The following AOPEP variants were observed in gnomAD, a reference collection of about 807,000 sequenced individuals.
AOPEP encodes aminopeptidase O (putative).
A neutral mutation model predicts 98.1 loss-of-function variants in AOPEP; 77 were observed. The ratio of observed to expected loss-of-function variants is 0.78; its 90% CI spans 0.65 to 0.95. AOPEP has a LOEUF of 0.95. AOPEP is among the 40% of genes least tolerant of loss of function. The pLI, the probability that AOPEP is intolerant of heterozygous loss-of-function variation, is 0.00. For synonymous variants in AOPEP, 346 were observed against 365.3 expected (o/e 0.95, Z 0.60); for missense variants, 1,024 against 1,024.7 (o/e 1.00, Z 0.01).
intron 5 of AOPEP, among the ~76,000 whole-genome samples, chr9:94,817,024 G>A (rs1851850243): frequency 1.3e-5 from 2 of 151,830 alleles, no homozygotes; most frequent in African/African-American, 2.4e-5. Context: ...TTTCCTTTTA[G>A]GATCTCACTT....
At chr9:94,775,630 G>A (rs1213633027) in intron 3 of AOPEP, among the ~76,000 whole-genome samples, 1 of 151,898 alleles carries the variant, frequency 6.6e-6, no homozygotes, top group Non-Finnish European at 1.5e-5. Flanking sequence ...CTCCCAAAGT[G>A]CTGCAATTAC....
At chr9:94,771,143 C>A (rs563470115) in intron 2 of AOPEP, among the ~76,000 whole-genome samples, 10 of 152,224 alleles carry the variant, frequency 6.6e-5, no homozygotes, top group Admixed American at 5.2e-4. Flanking sequence ...GCTAGCATGG[C>A]CTCCAACCCA....
intron 13 of AOPEP, among the ~76,000 whole-genome samples, chr9:95,052,253 A>C (rs191952312): frequency 1.3e-5 from 2 of 152,346 alleles, no homozygotes; most frequent in African/African-American, 4.8e-5. Flanking sequence ...GGATGGGGGT[A>C]GATAGCACAT....
In AOPEP at chr9:95,086,877, G is replaced by A. The variant is rs960825753; in HGVS notation, c.*200G>A. ...ACACAAAAGGCAGATTCTCGTAAAC[G>A]CAGCCTCCCTCCCTGGAGGCTGCCT... is the stretch of plus-strand genomic sequence containing the variant. On this transcript the variant is annotated 3_prime_UTR_variant, in exon 17 of 17. Transcript: ENST00000375315. The A allele has an allele frequency of 2.4e-5, 24 of 987,744 alleles. No individual in the cohort carries two copies. The highest frequency in any genetic ancestry group is 1.9e-4 in the African/African-American group (11 of 57,260). 61.2% of individuals were successfully genotyped at this position (987,744 alleles called of 1,614,324 possible).
chr9:95,002,707 C>G (rs753601811), intron 11 of AOPEP, among the ~76,000 whole-genome samples: 29 of 152,258 alleles, frequency 1.9e-4, no homozygotes, highest in Non-Finnish European at 1.9e-4. Context: ...TAAGGAAAGA[C>G]CTTTCTGCAA....
chr9:94,920,870 G>A (rs2053513701), intron 5 of AOPEP, among the ~76,000 whole-genome samples: 1 of 152,170 alleles, frequency 6.6e-6, no homozygotes, highest in Non-Finnish European at 1.5e-5. Flanking sequence ...AGCCCCAGAG[G>A]TGGTCTGCTG....
intron 1 of AOPEP, among the ~76,000 whole-genome samples, chr9:94,751,888 CTTTTTTT>C (rs80060505): frequency 9.6e-6 from 1 of 104,552 alleles, no homozygotes; most frequent in Admixed American, 9.9e-5. Context: ...CCCATGAAAA[CTTTTTTT>C]TTTTTTTTTT....
At chr9:94,933,612 TA>T (rs2055746902) in intron 7 of AOPEP, 1 of 985,236 alleles carries the variant, frequency 1.0e-6, no homozygotes, top group Non-Finnish European at 1.2e-6. Context: ...CCCTTAATAA[TA>T]GGGGGAAAAC....
At chr9:95,101,566 G>T in the AOPEP span, 1 of 999,044 alleles carries the variant, frequency 1.0e-6, no homozygotes, top group Non-Finnish European at 1.5e-6. Context: ...CTAGCAGATT[G>T]TCCCAAGATG....
At chr9:95,053,060 C>G (rs1466379436) in intron 13 of AOPEP, among the ~76,000 whole-genome samples, 1 of 152,044 alleles carries the variant, frequency 6.6e-6, no homozygotes, top group Non-Finnish European at 1.5e-5. Context: ...TTCCAGTTGC[C>G]TGGTTCAGTA....
rs57318947 is a variant in AOPEP, at chr9:94,847,127, T to TACACACACACACACACACAC, written c.1364+46132_1364+46151dup. ...TTGGTAGATTTGGTGGTTCCCTTTG[T>TACACACACACACACACACAC]ACACACACACACACACACACACACA... On this transcript the variant is annotated intron_variant, in intron 5 of 16. Transcript: ENST00000375315. Among the ~76,000 whole-genome samples the TACACACACACACACACACAC allele has an allele frequency of 4.2e-4, 53 of 125,186 alleles. No individual in the cohort carries two copies. In the East Asian group the frequency reaches 8.5e-3, roughly 20 times the overall value. 82.1% of individuals were successfully genotyped at this position (125,186 alleles called of 152,430 possible).
At chr9:94,854,089 A>G (rs1299614459) in intron 5 of AOPEP, among the ~76,000 whole-genome samples, 1 of 152,200 alleles carries the variant, frequency 6.6e-6, no homozygotes. Context: ...AAGGAGAATG[A>G]AAAAGGTAAG....
At chr9:95,045,696 A>C (rs576580871) in intron 13 of AOPEP, among the ~76,000 whole-genome samples, 33 of 152,048 alleles carry the variant, frequency 2.2e-4, no homozygotes, top group African/African-American at 7.2e-4. Context: ...TTTTCTATGG[A>C]TGATTGTGGT....
At chr9:95,103,332 C>T in the AOPEP span, among the ~76,000 whole-genome samples, 2 of 152,352 alleles carry the variant, frequency 1.3e-5, no homozygotes, top group African/African-American at 4.8e-5. Flanking sequence ...GAAAACCTGC[C>T]TCCCTGCTGG....
At chr9:94,998,954 CGTA>C (rs2061397419) in intron 11 of AOPEP, among the ~76,000 whole-genome samples, 1 of 151,966 alleles carries the variant, frequency 6.6e-6, no homozygotes, top group Non-Finnish European at 1.5e-5. Flanking sequence ...ATTATATCTG[CGTA>C]GTATTATATA....
chr9:94,744,913 T>C (rs1834117102), intron 1 of AOPEP, among the ~76,000 whole-genome samples: 1 of 152,060 alleles, frequency 6.6e-6, no homozygotes, highest in Non-Finnish European at 1.5e-5. Context: ...CTCATTTTCA[T>C]TGAGCTCTTT....
intron 5 of AOPEP, among the ~76,000 whole-genome samples, chr9:94,828,434 C>G (rs1855144214): frequency 6.6e-6 from 1 of 152,120 alleles, no homozygotes; most frequent in South Asian, 2.1e-4. Flanking sequence ...CTGTGGATAT[C>G]TACTTATCCC....
intron 13 of AOPEP, among the ~76,000 whole-genome samples, chr9:95,046,138 A>C (rs1253103529): frequency 1.3e-5 from 2 of 152,228 alleles, no homozygotes; most frequent in Admixed American, 6.5e-5. Flanking sequence ...TGGCGTGAAC[A>C]AATAGTGTCG....
chr9:95,102,485 G>A, the AOPEP span, among the ~76,000 whole-genome samples: 5 of 152,296 alleles, frequency 3.3e-5, no homozygotes, highest in Admixed American at 2.0e-4. Context: ...CAATTTAGCT[G>A]TGTGGGGAAT....
Sources: allele counts gnomAD v4.1 joint callset (sites outside exome capture counted in the v4.1 genomes callset), GRCh38; gene constraint gnomAD v4.1.1; transcripts MANE v1.5; gene names NCBI Gene and HGNC (gene_info 2026-07-23, HGNC 2026-07-21).